Variants in SOX5 observed in about 807,000 individuals in gnomAD.
The protein encoded by SOX5 is SRY-box transcription factor 5.
A neutral mutation model predicts 92.0 loss-of-function variants in SOX5; 9 were observed. The observed-to-expected ratio is 0.10, with a 90% CI of 0.06 to 0.17. The LOEUF is 0.17. Ranked by LOEUF, SOX5 falls within the 10% of genes least tolerant of loss-of-function variation. The probability of loss-of-function intolerance (pLI) is 1.00; values close to 1 mark genes in which losing one functional copy is unlikely to be tolerated. For synonymous variants in SOX5, 344 were observed against 336.3 expected (o/e 1.02, Z -0.25); for missense variants, 642 against 944.5 (o/e 0.68, Z 4.20).
At chr12:23,962,449 T>G (rs1348667204) in intron 4 of SOX5, among the ~76,000 whole-genome samples, 1 of 152,072 alleles carries the variant, frequency 6.6e-6, no homozygotes, top group Non-Finnish European at 1.5e-5. Flanking sequence ...GTCTCCACGT[T>G]AAAAATTATA....
chr12:24,390,753 T>C (rs1400696073), intron 1 of SOX5, among the ~76,000 whole-genome samples: 1 of 152,164 alleles, frequency 6.6e-6, no homozygotes. Flanking sequence ...AGGATTTCAT[T>C]CTTTTTGAGG....
chr12:24,364,511 C>CATATATATGTATATATAT (rs1955945537), intron 2 of SOX5, among the ~76,000 whole-genome samples: 1 of 110,532 alleles, frequency 9.0e-6, no homozygotes, highest in Non-Finnish European at 1.8e-5. Context: ...AACATTTTTT[C>CATATATATGTATATATAT]ATATATATAT....
chr12:24,015,013 C>G (rs1482260293), intron 4 of SOX5, among the ~76,000 whole-genome samples: 2 of 152,112 alleles, frequency 1.3e-5, no homozygotes, highest in Admixed American at 6.6e-5. Flanking sequence ...AGGAATCAAG[C>G]ACATAAGCCT....
At chr12:24,012,263 C>T (rs540183655) in intron 4 of SOX5, among the ~76,000 whole-genome samples, 2 of 152,040 alleles carry the variant, frequency 1.3e-5, no homozygotes, top group Non-Finnish European at 2.9e-5. Context: ...AAGTATGTTC[C>T]CTTGGCAAGA....
At chr12:23,742,989 A>G (rs2093853718) in intron 4 of SOX5, among the ~76,000 whole-genome samples, 1 of 152,164 alleles carries the variant, frequency 6.6e-6, no homozygotes, top group Admixed American at 6.5e-5. Context: ...ATCATAAGAA[A>G]TGTGGGTTAA....
intron 4 of SOX5, among the ~76,000 whole-genome samples, chr12:24,008,398 C>G (rs1318916313): frequency 6.6e-6 from 1 of 152,090 alleles, no homozygotes; most frequent in African/African-American, 2.4e-5. Context: ...CTCAAGAAGA[C>G]TTTGACACAA....
At chr12:24,497,554 T>C (rs941972557) in intron 1 of SOX5, among the ~76,000 whole-genome samples, 5 of 152,150 alleles carry the variant, frequency 3.3e-5, no homozygotes, top group South Asian at 2.1e-4. Context: ...AAACAACAGA[T>C]GCTGGCAAGG....
intron 9 of SOX5, among the ~76,000 whole-genome samples, chr12:23,586,025 C>T (rs1394585431): frequency 6.6e-6 from 1 of 152,062 alleles, no homozygotes; most frequent in African/African-American, 2.4e-5. Flanking sequence ...TGGACCACAT[C>T]TCTCCCCAAA....
chr12:24,178,697 T>A (rs1020017989), intron 4 of SOX5, among the ~76,000 whole-genome samples: 1 of 152,250 alleles, frequency 6.6e-6, no homozygotes, highest in African/African-American at 2.4e-5. Context: ...AAAAACCTTT[T>A]ATAGAAAAGA....
At chr12:23,846,315 T>C in intron 2 of SOX5, 122 bp from the exon 3 acceptor site, 2 of 798,334 alleles carry the variant, frequency 2.5e-6, no homozygotes, top group Non-Finnish European at 2.0e-6. Context: ...TCAGTAACTT[T>C]AAAAAATTGG....
intron 1 of SOX5, among the ~76,000 whole-genome samples, chr12:24,429,332 CAAAAA>C (rs932030023): frequency 6.9e-6 from 1 of 144,130 alleles, no homozygotes; most frequent in Non-Finnish European, 1.6e-5. Context: ...CAAAACAAAA[CAAAAA>C]AACAAAAACA....
intron 4 of SOX5, among the ~76,000 whole-genome samples, chr12:24,092,983 G>A (rs1944838160): frequency 6.6e-6 from 1 of 152,052 alleles, no homozygotes; most frequent in Non-Finnish European, 1.5e-5. Flanking sequence ...GCGGCCCCAA[G>A]GATCCAAGCA....
At chr12:24,505,195 A>T (rs1948602471) in intron 1 of SOX5, among the ~76,000 whole-genome samples, 1 of 152,340 alleles carries the variant, frequency 6.6e-6, no homozygotes, top group Non-Finnish European at 1.5e-5. Flanking sequence ...TAATGGCTCA[A>T]TCTGCTAAAT....
At chr12:23,923,581 C>A (rs1044795132) in intron 1 of SOX5, among the ~76,000 whole-genome samples, 1 of 152,108 alleles carries the variant, frequency 6.6e-6, no homozygotes, top group African/African-American at 2.4e-5. Context: ...TAAGAAGTGC[C>A]ATGACCAAAA....
intron 4 of SOX5, among the ~76,000 whole-genome samples, chr12:24,188,938 A>C (rs1242078325): frequency 6.6e-6 from 1 of 152,202 alleles, no homozygotes; most frequent in Non-Finnish European, 1.5e-5. Context: ...ATTTCTAAAA[A>C]TGATTTGTTG....
chr12:23,588,731 AC>A (rs1163617495), intron 9 of SOX5, among the ~76,000 whole-genome samples: 31 of 151,300 alleles, frequency 2.0e-4, no homozygotes, highest in Non-Finnish European at 3.8e-4. Context: ...GCACACACAC[AC>A]ACACACACAC....
intron 4 of SOX5, among the ~76,000 whole-genome samples, chr12:24,060,495 T>C (rs376450868): frequency 1.1e-3 from 166 of 152,328 alleles, no homozygotes; most frequent in Middle Eastern, 3.4e-3. Flanking sequence ...AGTTCTTACA[T>C]TTTTTAAGTA....
intron 1 of SOX5, among the ~76,000 whole-genome samples, chr12:23,900,746 T>C (rs1022102074): frequency 6.6e-6 from 1 of 152,028 alleles, no homozygotes; most frequent in Non-Finnish European, 1.5e-5. Context: ...GAGGCTGAGA[T>C]GGGTGGATCA....
chr12:24,045,436 T>C (rs1956900724), intron 4 of SOX5, among the ~76,000 whole-genome samples: 1 of 152,172 alleles, frequency 6.6e-6, no homozygotes, highest in Non-Finnish European at 1.5e-5. Context: ...TAGCTGGGAC[T>C]ACAGGTGTGT....
Sources: gnomAD v4.1 joint callset for allele counts (sites outside exome capture counted in the v4.1 genomes callset) on GRCh38, gnomAD v4.1.1 for gene constraint, MANE v1.5 for transcripts, NCBI Gene and HGNC (gene_info 2026-07-23, HGNC 2026-07-21) for gene names.